CHN2: variants seen among roughly 807,000 people sequenced by gnomAD.
CHN2 encodes chimerin 2, also known as beta-chimaerin.
CHN2 carries 35 observed loss-of-function variants against 56.3 expected under a neutral mutation model. The observed-to-expected ratio is 0.62, with a 90% CI of 0.47 to 0.82. The LOEUF is 0.82. CHN2 is among the 40% of genes least tolerant of loss of function. The probability of loss-of-function intolerance (pLI) is 0.00; values close to 1 mark genes in which losing one functional copy is unlikely to be tolerated. For synonymous variants in CHN2, 210 were observed against 212.8 expected (o/e 0.99, Z 0.12); for missense variants, 491 against 580.5 (o/e 0.85, Z 1.58).
chr7:29,499,961 CCTCACAACACTTGTGAAGG>C lies in CHN2; in HGVS notation c.846_864del (p.Val283ArgfsTer6). The stretch of plus-strand genomic sequence containing the variant: ...GGATCAAGAAAGTGTACTGTTGTGA[CCTCACAACACTTGTGAAGG>C]CTCACAACACTCAGAGACCCATGGT... On this transcript the variant is annotated frameshift_variant, in exon 9 of 13. Transcript: ENST00000222792. LOFTEE classifies it high-confidence loss of function. 1.2e-6 allele frequency: 2 copies of C among 1,610,592 alleles called. No individual in the cohort carries two copies. Among genetic ancestry groups the C allele is most frequent in the Non-Finnish European group, 1.7e-6 (2 of 1,178,378 alleles).
intron 1 of CHN2, among the ~76,000 whole-genome samples, chr7:29,295,098 T>C (rs1344723535): frequency 6.6e-6 from 1 of 152,320 alleles, no homozygotes; most frequent in African/African-American, 2.4e-5. Flanking sequence ...AAATCATCTC[T>C]AGACTACTTA....
intron 1 of CHN2, among the ~76,000 whole-genome samples, chr7:29,340,407 G>T (rs916550343): frequency 1.1e-4 from 17 of 151,602 alleles, no homozygotes; most frequent in African/African-American, 3.9e-4. Context: ...CTTGGGGGGG[G>T]GCCTCAATAT....
At chr7:29,411,862 G>A (rs1562586633) in intron 6 of CHN2, among the ~76,000 whole-genome samples, 1 of 152,178 alleles carries the variant, frequency 6.6e-6, no homozygotes, top group Non-Finnish European at 1.5e-5. Context: ...GGATGTTCCA[G>A]TACTGCTGGC....
At chr7:29,191,425 T>C (rs1782878517), upstream of CHN2, among the ~76,000 whole-genome samples, 1 of 152,026 alleles carries the variant, frequency 6.6e-6, no homozygotes, top group Admixed American at 6.6e-5. Context: ...TTTTGGTATG[T>C]AGGATGGGAA....
intron 2 of CHN2, among the ~76,000 whole-genome samples, chr7:29,364,056 C>A (rs1798947076): frequency 6.6e-6 from 1 of 152,214 alleles, no homozygotes; most frequent in Non-Finnish European, 1.5e-5. Flanking sequence ...AATCAAAAGG[C>A]TGTATGTTAG....
At chr7:29,213,172 T>G in intron 1 of CHN2, 1 of 1,434,084 alleles carries the variant, frequency 7.0e-7, no homozygotes. Flanking sequence ...ACCATGGATT[T>G]ATTCCTAAAC....
At position 29,470,181 on chromosome 7, in the gene CHN2, G is replaced by A. The variant is rs533533310; in HGVS notation, c.577-10098G>A. On this transcript the variant is annotated intron_variant, in intron 6 of 12. Transcript: ENST00000222792. ...ACACTCTGACATTCCATTTGGGAAG[G>A]GACAACACAGTCCTACGCTTGGTAG... is the stretch of plus-strand genomic sequence containing the variant. Among the ~76,000 whole-genome samples the A allele has an allele frequency of 1.4e-4, 21 of 152,296 alleles. 1 individual carries two copies. The South Asian group carries it at 3.7e-3, about 27-fold the overall frequency.
intron 2 of CHN2, among the ~76,000 whole-genome samples, chr7:29,178,257 T>C (rs546373963): frequency 2.5e-4 from 38 of 152,328 alleles, no homozygotes; most frequent in African/African-American, 8.9e-4. Flanking sequence ...AATCAGAACA[T>C]GTTATCCCCT....
chr7:29,369,340 G>A (rs964294102), intron 3 of CHN2, among the ~76,000 whole-genome samples: 1 of 152,062 alleles, frequency 6.6e-6, no homozygotes, highest in East Asian at 1.9e-4. Context: ...TTAATAAAAA[G>A]ACACTGGGCA....
chr7:29,351,175 T>C (rs998393136), intron 1 of CHN2, among the ~76,000 whole-genome samples: 3 of 151,900 alleles, frequency 2.0e-5, no homozygotes, highest in African/African-American at 4.8e-5. Context: ...TAGGTACTTT[T>C]ATTTTTTCTG....
At chr7:29,453,509 G>A (rs1784544938) in intron 6 of CHN2, among the ~76,000 whole-genome samples, 1 of 152,184 alleles carries the variant, frequency 6.6e-6, no homozygotes, top group African/African-American at 2.4e-5. Flanking sequence ...CATGGGAAGA[G>A]GAGCCTCTCC....
intron 6 of CHN2, among the ~76,000 whole-genome samples, chr7:29,475,153 T>C (rs1786489675): frequency 6.6e-6 from 1 of 152,094 alleles, no homozygotes; most frequent in African/African-American, 2.4e-5. Flanking sequence ...TGATTCCTTC[T>C]TGGATCCAGG....
chr7:29,219,743 A>G (rs1350689307), intron 1 of CHN2, among the ~76,000 whole-genome samples: 2 of 152,212 alleles, frequency 1.3e-5, no homozygotes, highest in Non-Finnish European at 2.9e-5. Context: ...CTTTAATGCA[A>G]AAATTATCAT....
intron 2 of CHN2, among the ~76,000 whole-genome samples, chr7:29,176,111 G>C (rs1797292410): frequency 6.6e-6 from 1 of 151,992 alleles, no homozygotes; most frequent in Non-Finnish European, 1.5e-5. Flanking sequence ...GTGTGAACCT[G>C]GGAGGCGGAG....
At chr7:29,202,513 T>C (rs1250557131) in intron 1 of CHN2, among the ~76,000 whole-genome samples, 13 of 152,218 alleles carry the variant, frequency 8.5e-5, no homozygotes, top group African/African-American at 2.9e-4. Flanking sequence ...TCAAGTTAAC[T>C]GTCAAGAAAG....
chr7:29,483,822 C>A, intron 7 of CHN2: 1 of 1,258,488 alleles, frequency 7.9e-7, no homozygotes. Flanking sequence ...TAGCACAGTG[C>A]TGAGGTAGCT....
chr7:29,374,839 T>G (rs1562557451), intron 3 of CHN2, among the ~76,000 whole-genome samples: 21 of 148,376 alleles, frequency 1.4e-4, no homozygotes, highest in African/African-American at 4.9e-4. Context: ...CTTCCTTCCT[T>G]CCTTCCTTCC....
rs13231227 is a variant in CHN2, at chr7:29,482,801, T to C, written c.654+2445T>C. ...AGGTGCTGTCTGCACTTTTTTCTTTTTTTTTTTTTTTTTTTTTTTTTTTTT... is the reference window on the plus strand; with the variant it reads ...AGGTGCTGTCTGCACTTTTTTCTTTCTTTTTTTTTTTTTTTTTTTTTTTTT... On this transcript the variant is annotated intron_variant, in intron 7 of 12. Transcript: ENST00000222792. Among the ~76,000 whole-genome samples, 15 of 7,512 alleles carry C rather than the reference T, an allele frequency of 2.0e-3. No individual in the cohort carries two copies. The South Asian group carries it at 0.071, about 36-fold the overall frequency. 4.9% of individuals were successfully genotyped at this position (7,512 alleles called of 152,430 possible).
chr7:29,472,712 A>G (rs973698721), intron 6 of CHN2, among the ~76,000 whole-genome samples: 5 of 152,214 alleles, frequency 3.3e-5, no homozygotes, highest in African/African-American at 1.2e-4. Flanking sequence ...ACTGTCCTGA[A>G]TGTCAAGCCA....
Sources: gnomAD v4.1 joint callset for allele counts (sites outside exome capture counted in the v4.1 genomes callset) on GRCh38, gnomAD v4.1.1 for gene constraint, MANE v1.5 for transcripts, NCBI Gene and HGNC (gene_info 2026-07-23, HGNC 2026-07-21) for gene names.